The following ADGRL2 variants were observed in gnomAD, a reference collection of about 807,000 sequenced individuals.
The protein encoded by ADGRL2 is adhesion G protein-coupled receptor L2.
ADGRL2 carries 44 observed loss-of-function variants against 157.4 expected under a neutral mutation model. That is an observed-to-expected ratio of 0.28 (90% CI 0.22 to 0.36). The LOEUF is 0.36. Ranked by LOEUF, ADGRL2 falls within the 10% of genes least tolerant of loss-of-function variation. ADGRL2 has a pLI of 1.00. For synonymous variants in ADGRL2, 585 were observed against 624.7 expected, an observed-to-expected ratio of 0.94 and a Z score of 0.95; for missense variants, 1,510 against 1,768.9, an observed-to-expected ratio of 0.85 and a Z score of 2.63.
At chr1:81,816,475 G>A (rs1389258278) in intron 1 of ADGRL2, among the ~76,000 whole-genome samples, 1 of 151,776 alleles carries the variant, frequency 6.6e-6, no homozygotes, top group Non-Finnish European at 1.5e-5. Context: ...TTTCTGAATG[G>A]ATGGTTGAGG....
At chr1:81,669,868 G>A (rs994347437) in intron 3 of ADGRL2, among the ~76,000 whole-genome samples, 30 of 151,544 alleles carry the variant, frequency 2.0e-4, no homozygotes, top group Non-Finnish European at 3.5e-4. Flanking sequence ...GCATGAACCC[G>A]GGAGGCGGAG....
At chr1:81,806,570 A>AT (rs1429011409) in intron 1 of ADGRL2, among the ~76,000 whole-genome samples, 3 of 152,042 alleles carry the variant, frequency 2.0e-5, no homozygotes, top group African/African-American at 7.2e-5. Context: ...GTCAAGAGGT[A>AT]ACTAGAAATC....
chr1:81,662,046 T>A (rs2082662468), intron 3 of ADGRL2, among the ~76,000 whole-genome samples: 1 of 152,090 alleles, frequency 6.6e-6, no homozygotes, highest in African/African-American at 2.4e-5. Context: ...AGTATATATT[T>A]ATAGGGTACA....
intron 2 of ADGRL2, among the ~76,000 whole-genome samples, chr1:81,899,780 G>A (rs1262329606): frequency 6.6e-6 from 1 of 152,112 alleles, no homozygotes; most frequent in Non-Finnish European, 1.5e-5. Context: ...CACAGTAATA[G>A]TGTGGTTAAA....
chr1:81,935,408 A>C (rs942031375), intron 3 of ADGRL2, among the ~76,000 whole-genome samples: 1 of 152,026 alleles, frequency 6.6e-6, no homozygotes, highest in African/African-American at 2.4e-5. Context: ...TTGAATTATA[A>C]AATTTACCTA....
At chr1:81,481,991 A>G (rs1195297259) in intron 2 of ADGRL2, among the ~76,000 whole-genome samples, 3 of 152,206 alleles carry the variant, frequency 2.0e-5, no homozygotes, top group Non-Finnish European at 4.4e-5. Context: ...TGTGTCCACA[A>G]CTGCTCTCTA....
intron 1 of ADGRL2, among the ~76,000 whole-genome samples, chr1:81,834,435 G>C (rs997401214): frequency 2.6e-5 from 4 of 152,114 alleles, no homozygotes; most frequent in Non-Finnish European, 5.9e-5. Flanking sequence ...GCTCCAATAT[G>C]ATTTAGAAGG....
chr1:81,824,002 A>G (rs2091239348), intron 1 of ADGRL2, among the ~76,000 whole-genome samples: 1 of 152,182 alleles, frequency 6.6e-6, no homozygotes, highest in Non-Finnish European at 1.5e-5. Context: ...TTTTTTAATT[A>G]CCAGGATATT....
chr1:81,626,981 C>T (rs1285845971), intron 3 of ADGRL2, among the ~76,000 whole-genome samples: 1 of 152,098 alleles, frequency 6.6e-6, no homozygotes, highest in East Asian at 1.9e-4. Context: ...GCTAGACATG[C>T]TCTTTTTGCT....
intron 1 of ADGRL2, among the ~76,000 whole-genome samples, chr1:81,832,135 C>T (rs1374586857): frequency 2.0e-5 from 3 of 151,962 alleles, no homozygotes; most frequent in Non-Finnish European, 4.4e-5. Context: ...ATTGTATTTC[C>T]TCCGAACTTT....
chr1:81,918,157 G>A (rs1352754750), intron 3 of ADGRL2, among the ~76,000 whole-genome samples: 1 of 152,112 alleles, frequency 6.6e-6, no homozygotes, highest in Non-Finnish European at 1.5e-5. Context: ...GTAGACACTT[G>A]TATACAGTTT....
At chr1:81,460,273 C>T (rs1571028114) in intron 2 of ADGRL2, among the ~76,000 whole-genome samples, 1 of 151,356 alleles carries the variant, frequency 6.6e-6, no homozygotes, top group African/African-American at 2.4e-5. Context: ...AATTATATAA[C>T]ACTATATATA....
chr1:81,518,975 C>A (rs578253784), intron 2 of ADGRL2, among the ~76,000 whole-genome samples: 1 of 152,110 alleles, frequency 6.6e-6, no homozygotes, highest in East Asian at 1.9e-4. Context: ...TCTTATATGT[C>A]TATAGCTTTT....
intron 1 of ADGRL2, among the ~76,000 whole-genome samples, chr1:81,819,164 A>G (rs1316249006): frequency 6.6e-6 from 1 of 152,128 alleles, no homozygotes; most frequent in East Asian, 1.9e-4. Flanking sequence ...AGAAATAGGA[A>G]CCTAATTAGA....
At chr1:81,502,422 G>C in intron 2 of ADGRL2, 1 of 1,614,092 alleles carries the variant, frequency 6.2e-7, no homozygotes, top group Non-Finnish European at 8.5e-7. Context: ...GAACTGGACG[G>C]TGATCCTGAA....
At chr1:81,333,945 T>A (rs192007392) in intron 1 of ADGRL2, among the ~76,000 whole-genome samples, 1 of 152,168 alleles carries the variant, frequency 6.6e-6, no homozygotes, top group African/African-American at 2.4e-5. Context: ...TATTGGTAAC[T>A]TCATTCAATT....
chr1:81,337,585 T>C (rs1661747595), intron 1 of ADGRL2, among the ~76,000 whole-genome samples: 1 of 152,224 alleles, frequency 6.6e-6, no homozygotes, highest in South Asian at 2.1e-4. Flanking sequence ...TTGCTTTATG[T>C]TAAAGAAGAC....
At chr1:81,576,343 C>G (rs2080797456) in intron 2 of ADGRL2, among the ~76,000 whole-genome samples, 1 of 152,096 alleles carries the variant, frequency 6.6e-6, no homozygotes, top group African/African-American at 2.4e-5. Flanking sequence ...TCTTCTTTCT[C>G]TCTTTATTTA....
chr1:81,720,179 C>CTTTTTTTTTTTTTTTT (rs370916970), intron 1 of ADGRL2, among the ~76,000 whole-genome samples: 1 of 138,888 alleles, frequency 7.2e-6, no homozygotes, highest in Non-Finnish European at 1.6e-5. Context: ...TCCTTTTTTT[C>CTTTTTTTTTTTTTTTT]TTTTCTTTTT....
Sources: allele counts gnomAD v4.1 joint callset (sites outside exome capture counted in the v4.1 genomes callset), GRCh38; gene constraint gnomAD v4.1.1; transcripts MANE v1.5; gene names NCBI Gene and HGNC (gene_info 2026-07-23, HGNC 2026-07-21).